The following ALX4 variants were observed in gnomAD, a reference collection of about 807,000 sequenced individuals.
The protein encoded by ALX4 is homeobox protein aristaless-like 4.
In ALX4, 22 loss-of-function variants were observed where a neutral mutation model predicts 40.6. The ratio of observed to expected loss-of-function variants is 0.54; its 90% CI spans 0.39 to 0.77. ALX4 has a LOEUF of 0.77. Ranked by LOEUF, ALX4 falls within the 30% of genes least tolerant of loss-of-function variation. The probability of loss-of-function intolerance (pLI) is 0.00; values close to 1 mark genes in which losing one functional copy is unlikely to be tolerated. For synonymous variants in ALX4, 266 were observed against 240.5 expected (o/e 1.11, Z -0.98); for missense variants, 556 against 564.8 (o/e 0.98, Z 0.16).
At chr11:44,270,450 C>G (rs945295372) in intron 2 of ALX4, among the ~76,000 whole-genome samples, 2 of 152,122 alleles carry the variant, frequency 1.3e-5, no homozygotes, top group Non-Finnish European at 2.9e-5. Flanking sequence ...TCTGGCTTTT[C>G]TGCCCAGATC....
chr11:44,295,435 G>A (rs979832585), intron 1 of ALX4, among the ~76,000 whole-genome samples: 10 of 152,236 alleles, frequency 6.6e-5, no homozygotes, highest in South Asian at 2.1e-4. Context: ...TAGGGCACAT[G>A]GCTGGAAGAC....
Position 44,309,861 on chromosome 11 carries a change from C to T in ALX4, c.202G>A (p.Ala68Thr), listed in dbSNP as rs1162216104. 2 of 1,563,634 alleles carry T rather than the reference C, an allele frequency of 1.3e-6. No homozygotes were observed. The highest frequency in any genetic ancestry group is 2.7e-5 in the African/African-American group (2 of 73,590). ...GGTGTCGCCAGGTCCTGCTGCCCAG[C>T]GCCGTAACGGGCCCGGCTCTTGGCG... ...GDAKSRARYGAGQQDLATPLE... is the reference protein window; with the variant it reads ...GDAKSRARYGTGQQDLATPLE... The change falls in exon 1 of 4, where the codon GCT becomes ACT. Residue 68 changes from alanine (A) to threonine (T), a missense_variant. Physicochemically the swap from Ala to Thr is moderately conservative, Grantham distance 58. Transcript: ENST00000652299.
In ALX4 at chr11:44,264,616, G is replaced by A; in HGVS notation, c.*238C>T. On this transcript the variant is annotated 3_prime_UTR_variant, in exon 4 of 4. Coordinates refer to ENST00000652299, the MANE Select transcript of ALX4 (RefSeq NM_021926.4). Reference sequence around the variant, plus strand: ...ACGTGGCCACCTGGCTTTCTCCACTGCCTGTGGCCGGGAGCAGGGGTCAGG... The same window carrying A: ...ACGTGGCCACCTGGCTTTCTCCACTACCTGTGGCCGGGAGCAGGGGTCAGG... The A allele has an allele frequency of 1.7e-6, 1 of 587,532 alleles. No individual in the cohort carries two copies. The highest frequency in any genetic ancestry group is 3.0e-6 in the Non-Finnish European group (1 of 331,618). 36.4% of individuals were successfully genotyped at this position (587,532 alleles called of 1,614,324 possible).
intron 1 of ALX4, among the ~76,000 whole-genome samples, chr11:44,294,985 G>T (rs1180766688): frequency 6.6e-6 from 1 of 152,100 alleles, no homozygotes; most frequent in African/African-American, 2.4e-5. Context: ...TAGTAGCTGG[G>T]ATTACAGGCG....
At chr11:44,303,524 C>T (rs978173538) in intron 1 of ALX4, among the ~76,000 whole-genome samples, 3 of 152,194 alleles carry the variant, frequency 2.0e-5, no homozygotes, top group Non-Finnish European at 4.4e-5. Flanking sequence ...AGTCCAAATC[C>T]GAACCGGTCC....
intron 1 of ALX4, among the ~76,000 whole-genome samples, chr11:44,301,625 G>A (rs1956434894): frequency 6.6e-6 from 1 of 152,314 alleles, no homozygotes; most frequent in Non-Finnish European, 1.5e-5. Context: ...CAGAGAGAGT[G>A]CAACTTACTG....
chr11:44,300,991 T>C (rs1956431298), intron 1 of ALX4, among the ~76,000 whole-genome samples: 1 of 152,216 alleles, frequency 6.6e-6, no homozygotes, highest in Admixed American at 6.5e-5. Context: ...GAGTCAGGGC[T>C]TTCCCCATCT....
Position 44,260,716 on chromosome 11 carries a change from ATTTT to A in ALX4, c.*4134_*4137del, listed in dbSNP as rs540638130. On this transcript the variant is annotated 3_prime_UTR_variant, in exon 4 of 4. Transcript: ENST00000652299. ...AGTAAAACTTTATGGAACCGACCTC[ATTTT>A]TTTTTTTACATTTTTCTGGATTTTT... The A allele has an allele frequency of 6.8e-5, 10 of 146,292 alleles. No homozygotes were observed. The East Asian group carries it at 2.0e-3, about 29-fold the overall frequency. The allele number at this position is 146,292 out of a possible 1,614,324, so 9.1% of individuals were successfully genotyped here.
At chr11:44,306,582 C>T (rs757686287) in intron 1 of ALX4, among the ~76,000 whole-genome samples, 1 of 152,262 alleles carries the variant, frequency 6.6e-6, no homozygotes, top group Non-Finnish European at 1.5e-5. Flanking sequence ...CAGCTGCCTG[C>T]CTGAAGACGG....
intron 2 of ALX4, among the ~76,000 whole-genome samples, chr11:44,269,977 G>T (rs1182268386): frequency 6.6e-6 from 1 of 152,164 alleles, no homozygotes; most frequent in Non-Finnish European, 1.5e-5. Flanking sequence ...CACTGTGACT[G>T]TTGGGGTTCT....
chr11:44,279,802 C>T (rs998420267), intron 1 of ALX4, among the ~76,000 whole-genome samples: 1 of 152,232 alleles, frequency 6.6e-6, no homozygotes, highest in African/African-American at 2.4e-5. Context: ...GAATGTCCAG[C>T]TCCTCCTATA....
intron 1 of ALX4, among the ~76,000 whole-genome samples, chr11:44,301,030 C>A (rs929541151): frequency 6.6e-6 from 1 of 152,256 alleles, no homozygotes; most frequent in Non-Finnish European, 1.5e-5. Flanking sequence ...ACTGGAATTT[C>A]AAGGTCACTT....
At chr11:44,267,362 C>A (rs1956219444) in intron 3 of ALX4, 132 bp downstream of exon 3, 4 of 1,225,724 alleles carry the variant, frequency 3.3e-6, no homozygotes, top group Non-Finnish European at 3.4e-6. Flanking sequence ...AACAGGCACA[C>A]CCCTGGAATG....
intron 1 of ALX4, among the ~76,000 whole-genome samples, chr11:44,304,387 G>A (rs969552655): frequency 2.0e-5 from 3 of 152,200 alleles, no homozygotes; most frequent in African/African-American, 7.2e-5. Flanking sequence ...GGCTCCGGGG[G>A]CAGGAAGTTC....
chr11:44,298,794 C>CAA (rs35292801), intron 1 of ALX4, among the ~76,000 whole-genome samples: 2 of 146,802 alleles, frequency 1.4e-5, no homozygotes, highest in African/African-American at 2.5e-5. Flanking sequence ...GGAAACCCTG[C>CAA]AAAAAAAAAA....
intron 1 of ALX4, among the ~76,000 whole-genome samples, chr11:44,288,980 C>T (rs548382358): frequency 1.3e-5 from 2 of 152,302 alleles, no homozygotes; most frequent in South Asian, 4.1e-4. Flanking sequence ...TTCCTGTTCT[C>T]TCCCCCACCC....
chr11:44,294,910 T>C (rs1956394233), intron 1 of ALX4, among the ~76,000 whole-genome samples: 1 of 152,014 alleles, frequency 6.6e-6, no homozygotes, highest in Non-Finnish European at 1.5e-5. Context: ...AGTGCAATGG[T>C]GTGGTCTCGG....
In ALX4 at chr11:44,267,084, C is replaced by T. The variant is rs368875911; in HGVS notation, c.906+410G>A. On this transcript the variant is annotated intron_variant, in intron 3 of 3. Coordinates refer to ENST00000652299, the MANE Select transcript of ALX4 (RefSeq NM_021926.4). ...GAGCTGGAAAGATAACCTAAGTCCC[C>T]GGACTCAGAATCCCAAGCTCATTCC... Among the ~76,000 whole-genome samples the T allele has an allele frequency of 4.6e-5, 7 of 152,286 alleles. No individual in the cohort carries two copies. The South Asian group carries it at 8.3e-4, about 18-fold the overall frequency.
intron 2 of ALX4, among the ~76,000 whole-genome samples, chr11:44,270,486 C>T (rs566126312): frequency 3.3e-5 from 5 of 152,086 alleles, no homozygotes; most frequent in East Asian, 1.9e-4. Context: ...TGAGCCTGGC[C>T]GGTCCTCAAT....
Sources: gnomAD v4.1 joint callset for allele counts (sites outside exome capture counted in the v4.1 genomes callset) on GRCh38, gnomAD v4.1.1 for gene constraint, MANE v1.5 for transcripts, NCBI Gene and HGNC (gene_info 2026-07-23, HGNC 2026-07-21) for gene names.